Variants in ADNP observed in about 807,000 individuals in gnomAD.
ADNP encodes activity dependent neuroprotector homeobox.
ADNP carries 4 observed loss-of-function variants against 84.9 expected under a neutral mutation model. The ratio of observed to expected loss-of-function variants is 0.05; its 90% CI spans 0.02 to 0.11. ADNP has a LOEUF of 0.11. Among genes scored for constraint, ADNP ranks in the 10% least tolerant of loss-of-function variants. ADNP has a pLI of 1.00. For synonymous variants in ADNP, 554 were observed against 468.1 expected (o/e 1.18, Z -2.37); for missense variants, 1,132 against 1,326.0 (o/e 0.85, Z 2.27).
intron 2 of ADNP, among the ~76,000 whole-genome samples, chr20:50,915,641 CA>C (rs1340459228): frequency 6.6e-6 from 1 of 152,176 alleles, no homozygotes; most frequent in Non-Finnish European, 1.5e-5. Flanking sequence ...CCCCAATCCA[CA>C]AAACACGTAA....
intron 1 of ADNP, among the ~76,000 whole-genome samples, chr20:50,929,692 G>A (rs143889330): frequency 7.2e-5 from 11 of 152,138 alleles, no homozygotes; most frequent in South Asian, 2.1e-4. Context: ...GATTTCTAAA[G>A]AAACTGTATC....
intron 2 of ADNP, among the ~76,000 whole-genome samples, chr20:50,920,547 A>G (rs1983888635): frequency 6.7e-6 from 1 of 148,944 alleles, no homozygotes; most frequent in South Asian, 2.1e-4. Context: ...TCCAGCCTGG[A>G]CTCCATTAAA....
In ADNP at chr20:50,892,824, G is replaced by A. The variant is rs1480072039; in HGVS notation, c.1890C>T (p.Ile630=). The A allele has an allele frequency of 3.1e-6, 5 of 1,614,224 alleles. No individual in the cohort carries two copies. The highest frequency in any genetic ancestry group is 1.1e-5 in the South Asian group (1 of 91,086). The change falls in exon 6 of 6, where the codon ATC becomes ATT. Residue 630 remains isoleucine, a synonymous_variant. Coordinates refer to ENST00000621696, the MANE Select transcript of ADNP (RefSeq NM_001282531.3). ...GTGCATCAGATATGGGTCCTTTTAG[G>A]ATTGAAAAGCAAAGAGGACAAAGGG... ...GKTLCPLCFS[I]LKGPISDALA...
Position 50,892,811 on chromosome 20 carries a change from T to C in ADNP, c.1903A>G (p.Ile635Val), listed in dbSNP as rs901454329. ...AAGTGATGTGCAAGTGCATCAGATATGGGTCCTTTTAGGATTGAAAAGCAA... is the reference window on the plus strand; with the variant it reads ...AAGTGATGTGCAAGTGCATCAGATACGGGTCCTTTTAGGATTGAAAAGCAA... ...PLCFSILKGP[I>V]SDALAHHLRE... The change falls in exon 6 of 6, where the codon ATA (isoleucine) becomes GTA (valine). Residue 635 changes from isoleucine (I) to valine (V), a missense_variant. Coordinates refer to ENST00000621696, the MANE Select transcript of ADNP (RefSeq NM_001282531.3). 1.2e-6 allele frequency: 2 copies of C among 1,614,134 alleles called. No individual in the cohort carries two copies. The highest frequency in any genetic ancestry group is 2.2e-5 in the East Asian group (1 of 44,898).
rs1980552042 is a variant in ADNP at position 50,890,299 on chromosome 20, G to T, written c.*1106C>A. 1 of 162,738 alleles carries T rather than the reference G, an allele frequency of 6.1e-6. No homozygotes were observed. The highest frequency in any genetic ancestry group is 2.4e-5 in the African/African-American group (1 of 41,966). The allele number at this position is 162,738 out of a possible 1,614,324, so 10.1% of individuals were successfully genotyped here. The stretch of plus-strand genomic sequence containing the variant: ...AGAGTTATGGCATTAAATGGCAAAA[G>T]ATATAATGGACACACAGGACTGTCA... On this transcript the variant is annotated 3_prime_UTR_variant, in exon 6 of 6. Transcript: ENST00000621696.
intron 5 of ADNP, 50 bp from the exon 6 acceptor site, chr20:50,894,562 T>C (rs1255417161): frequency 6.5e-7 from 1 of 1,527,780 alleles, no homozygotes; most frequent in Non-Finnish European, 8.8e-7. Flanking sequence ...AGATAGGCAG[T>C]TAACAGATTC....
rs1264010630 is a variant in ADNP at position 50,893,408 on chromosome 20, G to C, written c.1306C>G (p.Pro436Ala). 3.1e-6 allele frequency: 5 copies of C among 1,614,172 alleles called. No individual in the cohort carries two copies. The highest frequency in any genetic ancestry group is 1.3e-5 in the African/African-American group (1 of 75,038). The change falls in exon 6 of 6, where the codon CCC becomes GCC. Residue 436 changes from proline to alanine, a missense_variant. Around this residue, in one of 10 missense-constraint regions of ADNP, gnomAD observed 239 missense variants for 213.2 expected, o/e 1.12. Transcript: ENST00000621696. The surrounding 1 kb of genome is among the most constrained non-coding windows in gnomAD (Gnocchi z 4.4). ...TGAGTTGAGGAAGTGTTACCTGGGG[G>C]AGGGCCTGTGGCAGCTGCAGCAGGT... ...SKPAAAATGP[P>A]PGNTSSTQKW...
intron 2 of ADNP, among the ~76,000 whole-genome samples, chr20:50,917,905 A>C (rs115337169): frequency 0.03 from 4,604 of 152,326 alleles, 246 homozygotes; most frequent in African/African-American, 0.11. Context: ...CACATGTTCC[A>C]ACATGAACCT....
chr20:50,930,350 C>T (rs1601004698), intron 1 of ADNP, among the ~76,000 whole-genome samples: 1 of 148,820 alleles, frequency 6.7e-6, no homozygotes, highest in Non-Finnish European at 1.5e-5. Flanking sequence ...ATGCTCCCCG[C>T]CCCCCCCAAC....
chr20:50,900,721 T>C (rs1375905629), intron 5 of ADNP, among the ~76,000 whole-genome samples: 1 of 152,094 alleles, frequency 6.6e-6, no homozygotes, highest in Non-Finnish European at 1.5e-5. Context: ...GATAAAGCTA[T>C]ATCTTTTATT....
chr20:50,908,028 A>G (rs1259067683), intron 2 of ADNP, among the ~76,000 whole-genome samples: 2 of 152,178 alleles, frequency 1.3e-5, no homozygotes, highest in African/African-American at 4.8e-5. Context: ...TCTCCAGAAC[A>G]AAGTGTGCCC....
chr20:50,894,617 G>A (rs565721277), intron 5 of ADNP, 105 bp from the exon 6 acceptor site: 63 of 1,254,228 alleles, frequency 5.0e-5, no homozygotes, highest in African/African-American at 5.0e-4. Context: ...ATTTTAGGCC[G>A]CGCGTGGTGG....
At chr20:50,921,203 T>C (rs1378566072) in intron 2 of ADNP, among the ~76,000 whole-genome samples, 1 of 152,182 alleles carries the variant, frequency 6.6e-6, no homozygotes, top group Non-Finnish European at 1.5e-5. Context: ...GCATAACCTC[T>C]CCAAAAAGCT....
At chr20:50,916,592 C>A (rs547331567) in intron 2 of ADNP, among the ~76,000 whole-genome samples, 32 of 152,318 alleles carry the variant, frequency 2.1e-4, no homozygotes, top group Admixed American at 3.9e-4. Context: ...GTGACATATT[C>A]AGGAGATGGT....
chr20:50,913,970 G>C (rs1983298646), intron 2 of ADNP: 2 of 724,020 alleles, frequency 2.8e-6, no homozygotes, highest in Admixed American at 2.0e-5. Flanking sequence ...ACTGCTGTTT[G>C]TGCTGGCCAG....
At chr20:50,897,126 A>T (rs1430724733) in intron 5 of ADNP, among the ~76,000 whole-genome samples, 1 of 151,850 alleles carries the variant, frequency 6.6e-6, no homozygotes, top group Non-Finnish European at 1.5e-5. Flanking sequence ...TTTTTAGTAG[A>T]GACGGGGTTT....
At chr20:50,916,181 ATTC>A (rs1983497647) in intron 2 of ADNP, among the ~76,000 whole-genome samples, 1 of 152,210 alleles carries the variant, frequency 6.6e-6, no homozygotes, top group Non-Finnish European at 1.5e-5. Context: ...TAAATATAGC[ATTC>A]TTTACAAAAA....
At position 50,894,176 on chromosome 20, in the gene ADNP, C is replaced by G. The variant is rs1981141315; in HGVS notation, c.538G>C (p.Val180Leu). The change falls in exon 6 of 6, where the codon GTT becomes CTT. Residue 180 changes from valine to leucine, a missense_variant. Physicochemically the swap from Val to Leu is conservative, Grantham distance 32. Coordinates refer to ENST00000621696, the MANE Select transcript of ADNP (RefSeq NM_001282531.3). Reference sequence around the variant, plus strand: ...TGTTCCCTGTAAATGTGCTTCCTAACTATTTCATAAAGAGGATCTCGGTAA... The same window carrying G: ...TGTTCCCTGTAAATGTGCTTCCTAAGTATTTCATAAAGAGGATCTCGGTAA... ...CTYRDPLYEI[V>L]RKHIYREHFQ... 6.2e-7 allele frequency: 1 copy of G among 1,614,032 alleles called. No individual in the cohort carries two copies. Among genetic ancestry groups the G allele is most frequent in the South Asian group, 1.1e-5 (1 of 91,082 alleles).
In ADNP at chr20:50,892,823, G is replaced by A. The variant is rs765894464; in HGVS notation, c.1891C>T (p.Leu631=). The change falls in exon 6 of 6, where the codon CTA becomes TTA. Residue 631 remains leucine, a synonymous_variant. Transcript: ENST00000621696. The part of the protein sequence containing the change: ...KTLCPLCFSI[L]KGPISDALAH... The stretch of plus-strand genomic sequence containing the variant: ...AGTGCATCAGATATGGGTCCTTTTA[G>A]GATTGAAAAGCAAAGAGGACAAAGG... 5 of 1,614,096 alleles carry A rather than the reference G, an allele frequency of 3.1e-6. No homozygotes were observed. Among genetic ancestry groups the A allele is most frequent in the South Asian group, 1.1e-5 (1 of 91,088 alleles).
Sources: allele counts gnomAD v4.1 joint callset (sites outside exome capture counted in the v4.1 genomes callset), GRCh38; gene constraint gnomAD v4.1.1; regional missense constraint gnomAD v4.1.1; non-coding constraint Gnocchi (gnomAD v3.1); transcripts MANE v1.5; gene names NCBI Gene and HGNC (gene_info 2026-07-23, HGNC 2026-07-21).